TBC1D32: variants seen among roughly 807,000 people sequenced by gnomAD.
The protein encoded by TBC1D32 is TBC1 domain family member 32.
TBC1D32 carries 151 observed loss-of-function variants against 170.3 expected under a neutral mutation model. That is an observed-to-expected ratio of 0.89 (90% CI 0.78 to 1.01). The LOEUF (loss-of-function observed/expected upper bound fraction) is 1.01. Ranked by LOEUF, TBC1D32 falls within the 50% of genes least tolerant of loss-of-function variation. The pLI is 0.00. For synonymous variants in TBC1D32, 498 were observed against 488.0 expected, an observed-to-expected ratio of 1.02 and a Z score of -0.27; for missense variants, 1,464 against 1,457.1, an observed-to-expected ratio of 1.00 and a Z score of -0.08.
chr6:121,227,173 A>T (rs1217435594), intron 20 of TBC1D32, among the ~76,000 whole-genome samples: 1 of 152,210 alleles, frequency 6.6e-6, no homozygotes, highest in Non-Finnish European at 1.5e-5. Context: ...AGGTTCAACA[A>T]GCTTGTTCTA....
chr6:121,294,555 G>A lies in TBC1D32; in HGVS notation c.1231+15C>T, dbSNP rs532664740. 54 of 1,570,806 alleles carry A rather than the reference G, an allele frequency of 3.4e-5. No homozygotes were observed. In the South Asian group the frequency reaches 5.9e-4, roughly 17 times the overall value. On this transcript the variant is annotated intron_variant, in intron 11 of 31. Coordinates refer to ENST00000398212, the MANE Select transcript of TBC1D32 (RefSeq NM_152730.6). ...ACCATTTTTAAAAGTATGTAATAGA[G>A]GAAATAATACTTACTGCAATGCTTT...
chr6:121,302,685 C>A (rs1806672305), intron 9 of TBC1D32, among the ~76,000 whole-genome samples: 1 of 151,830 alleles, frequency 6.6e-6, no homozygotes, highest in Non-Finnish European at 1.5e-5. Context: ...TGCATATTTT[C>A]TCAAATAATG....
At chr6:121,152,350 G>A (rs956414316) in intron 24 of TBC1D32, among the ~76,000 whole-genome samples, 4 of 152,158 alleles carry the variant, frequency 2.6e-5, no homozygotes, top group African/African-American at 9.7e-5. Flanking sequence ...GGCTTGTAGG[G>A]TTTCTGCAGA....
chr6:121,082,655 C>CAA (rs1182718808), intron 31 of TBC1D32, among the ~76,000 whole-genome samples: 1 of 151,752 alleles, frequency 6.6e-6, no homozygotes, highest in Middle Eastern at 3.2e-3. Context: ...CATTTCTGGG[C>CAA]AAAAAATAAG....
At chr6:121,292,471 G>A (rs1012470139) in intron 11 of TBC1D32, among the ~76,000 whole-genome samples, 4 of 152,132 alleles carry the variant, frequency 2.6e-5, no homozygotes, top group African/African-American at 9.7e-5. Flanking sequence ...AGAGTTATCT[G>A]CCACTGAAGA....
At chr6:121,289,325 A>ACG in intron 12 of TBC1D32, among the ~76,000 whole-genome samples, 1 of 152,182 alleles carries the variant, frequency 6.6e-6, no homozygotes, top group African/African-American at 2.4e-5. Context: ...TACAAAATCA[A>ACG]TGTACAAAAA....
At chr6:121,263,635 G>C (rs1800067559) in intron 15 of TBC1D32, among the ~76,000 whole-genome samples, 1 of 152,146 alleles carries the variant, frequency 6.6e-6, no homozygotes. Context: ...GAAAACAACA[G>C]AATATACATT....
At chr6:121,312,710 T>C (rs569135625) in intron 3 of TBC1D32, among the ~76,000 whole-genome samples, 5 of 152,330 alleles carry the variant, frequency 3.3e-5, no homozygotes, top group South Asian at 2.1e-4. Context: ...AAGATAATTA[T>C]AGTTATGCTT....
chr6:121,160,726 G>A (rs1785514086), intron 23 of TBC1D32, among the ~76,000 whole-genome samples: 1 of 152,148 alleles, frequency 6.6e-6, no homozygotes, highest in Non-Finnish European at 1.5e-5. Flanking sequence ...TACTACACAT[G>A]CAAACAATAC....
chr6:121,211,810 C>T (rs1265245459), intron 21 of TBC1D32, among the ~76,000 whole-genome samples: 1 of 152,102 alleles, frequency 6.6e-6, no homozygotes, highest in East Asian at 1.9e-4. Flanking sequence ...CCAGTGGAAC[C>T]TTGACCACAC....
intron 21 of TBC1D32, 135 bp from the exon 22 acceptor site, chr6:121,205,298 TAAGAAGAAG>T (rs774298734): frequency 2.2e-6 from 1 of 464,382 alleles, no homozygotes; most frequent in African/African-American, 2.1e-5. Context: ...CTGTAAATAA[TAAGAAGAAG>T]AAGAAGAAGA....
intron 20 of TBC1D32, among the ~76,000 whole-genome samples, chr6:121,230,674 T>A (rs898090835): frequency 4.0e-5 from 6 of 151,714 alleles, no homozygotes; most frequent in African/African-American, 1.5e-4. Flanking sequence ...TACACACACG[T>A]GTATATATAC....
rs1491563155 is a variant in TBC1D32, at chr6:121,222,587, AAT to A, written c.2481+647_2481+648del. 1.0e-4 allele frequency among the ~76,000 whole-genome samples: 13 copies of A among 128,306 alleles called. 1 individual carries two copies. Among genetic ancestry groups the A allele is most frequent in the Middle Eastern group, 8.1e-3 (2 of 246 alleles). The allele number at this position is 128,306 out of a possible 152,430, so 84.2% of individuals were successfully genotyped here. On this transcript the variant is annotated intron_variant, in intron 21 of 31. Coordinates refer to ENST00000398212, the MANE Select transcript of TBC1D32 (RefSeq NM_152730.6). ...GGCAAAACTATGTTTATGAAAAAAA[AAT>A]ATCACATAGGACAAAGCAACCAGAA...
chr6:121,245,647 C>T (rs993897761), intron 17 of TBC1D32, among the ~76,000 whole-genome samples: 2 of 152,136 alleles, frequency 1.3e-5, no homozygotes, highest in African/African-American at 4.8e-5. Flanking sequence ...AGCCTTCTTT[C>T]ATGGGAACGG....
chr6:121,159,622 A>C (rs1785355531), intron 24 of TBC1D32, among the ~76,000 whole-genome samples: 1 of 152,182 alleles, frequency 6.6e-6, no homozygotes, highest in African/African-American at 2.4e-5. Flanking sequence ...CTCTACACCT[A>C]GGCTACACGG....
intron 1 of TBC1D32, 140 bp downstream of exon 1, chr6:121,334,135 GT>G: frequency 1.5e-6 from 1 of 660,532 alleles, no homozygotes; most frequent in Non-Finnish European, 2.5e-6. Context: ...TAAATTCGAC[GT>G]TTTGGCAAAT....
intron 12 of TBC1D32, among the ~76,000 whole-genome samples, chr6:121,289,472 C>A (rs913194332): frequency 6.6e-6 from 1 of 152,116 alleles, no homozygotes; most frequent in African/African-American, 2.4e-5. Flanking sequence ...TCAAGGAGAA[C>A]TACAAACCAC....
At chr6:121,211,685 A>C (rs1439789662) in intron 21 of TBC1D32, among the ~76,000 whole-genome samples, 1 of 152,076 alleles carries the variant, frequency 6.6e-6, no homozygotes, top group Admixed American at 6.6e-5. Flanking sequence ...CATGGTACCT[A>C]TATACCACAT....
chr6:121,249,710 T>C (rs1798055877), intron 17 of TBC1D32, among the ~76,000 whole-genome samples: 1 of 151,804 alleles, frequency 6.6e-6, no homozygotes, highest in South Asian at 2.1e-4. Flanking sequence ...CTAAATCCCT[T>C]TTACAACAGC....
Sources: allele counts gnomAD v4.1 joint callset (sites outside exome capture counted in the v4.1 genomes callset), GRCh38; gene constraint gnomAD v4.1.1; transcripts MANE v1.5; gene names NCBI Gene and HGNC (gene_info 2026-07-23, HGNC 2026-07-21).